Variants in ADIPOR2 observed in about 807,000 individuals in gnomAD.
ADIPOR2 encodes the protein adiponectin receptor protein 2.
A neutral mutation model predicts 40.9 loss-of-function variants in ADIPOR2; 18 were observed. The observed-to-expected ratio is 0.44, with a 90% CI of 0.30 to 0.65. The LOEUF (loss-of-function observed/expected upper bound fraction) is 0.65, where lower values mean the gene tolerates loss of function less well. Among genes scored for constraint, ADIPOR2 ranks in the 30% least tolerant of loss-of-function variants. The pLI is 0.09. For synonymous variants in ADIPOR2, 165 were observed against 166.4 expected (o/e 0.99, Z 0.06); for missense variants, 283 against 479.2 (o/e 0.59, Z 3.82).
chr12:1,753,765 C>T (rs1431389442), intron 1 of ADIPOR2, among the ~76,000 whole-genome samples: 3 of 151,866 alleles, frequency 2.0e-5, no homozygotes, highest in Admixed American at 6.6e-5. Flanking sequence ...ATATGTAAAG[C>T]CCAGTTATAA....
At chr12:1,723,485 AAATT>A (rs2094701792) in intron 1 of ADIPOR2, among the ~76,000 whole-genome samples, 1 of 110,616 alleles carries the variant, frequency 9.0e-6, no homozygotes, top group African/African-American at 2.9e-5. Flanking sequence ...AAAAAAAAAA[AAATT>A]AGCCAGGCGT....
chr12:1,744,271 A>AT (rs1302377390), intron 1 of ADIPOR2, among the ~76,000 whole-genome samples: 1 of 151,784 alleles, frequency 6.6e-6, no homozygotes, highest in East Asian at 1.9e-4. Context: ...CACCTGGCTG[A>AT]TTTTTTGTAT....
At chr12:1,739,057 T>A (rs1384865267) in intron 1 of ADIPOR2, among the ~76,000 whole-genome samples, 1 of 152,184 alleles carries the variant, frequency 6.6e-6, no homozygotes, top group East Asian at 1.9e-4. Context: ...CTTCAAAAAA[T>A]TTTATTTTAG....
At chr12:1,769,172 A>T (rs886569364) in intron 2 of ADIPOR2, among the ~76,000 whole-genome samples, 1 of 152,198 alleles carries the variant, frequency 6.6e-6, no homozygotes, top group Non-Finnish European at 1.5e-5. Flanking sequence ...AGTTATTTGG[A>T]CTTAATATTG....
intron 2 of ADIPOR2, chr12:1,758,159 G>A (rs1565651485): frequency 4.7e-6 from 2 of 424,596 alleles, no homozygotes; most frequent in Non-Finnish European, 8.3e-6. Flanking sequence ...GGTTGAAGTG[G>A]TATCTTCTGT....
intron 1 of ADIPOR2, among the ~76,000 whole-genome samples, chr12:1,710,888 C>T (rs988217152): frequency 6.6e-5 from 10 of 152,036 alleles, no homozygotes; most frequent in East Asian, 1.9e-4. Context: ...CTGGAGGAAA[C>T]AAATTTGACA....
chr12:1,700,678 A>G (rs1408430308), intron 1 of ADIPOR2, among the ~76,000 whole-genome samples: 1 of 152,190 alleles, frequency 6.6e-6, no homozygotes, highest in Admixed American at 6.5e-5. Flanking sequence ...GCACTAAACT[A>G]AAAGGAGGAA....
chr12:1,771,931 G>A (rs750235492), intron 2 of ADIPOR2, among the ~76,000 whole-genome samples: 8 of 152,206 alleles, frequency 5.3e-5, no homozygotes, highest in Non-Finnish European at 2.9e-5. Context: ...GTAGAAGACT[G>A]TAGAGATTGT....
chr12:1,752,251 T>TTTTTTTA (rs1251839721), intron 1 of ADIPOR2, among the ~76,000 whole-genome samples: 6 of 132,626 alleles, frequency 4.5e-5, no homozygotes, highest in African/African-American at 2.8e-5. Context: ...TTTTTTTTTT[T>TTTTTTTA]AAGATAATGT....
intron 1 of ADIPOR2, among the ~76,000 whole-genome samples, chr12:1,710,722 C>G (rs1171842412): frequency 6.6e-6 from 1 of 151,926 alleles, no homozygotes. Context: ...CTGCGGGGTC[C>G]CAACAAAAAG....
chr12:1,699,638 C>T (rs1363807871), intron 1 of ADIPOR2, among the ~76,000 whole-genome samples: 4 of 152,014 alleles, frequency 2.6e-5, no homozygotes, highest in African/African-American at 9.7e-5. Context: ...GCAACAAGAG[C>T]GAAACTCCGT....
intron 3 of ADIPOR2, among the ~76,000 whole-genome samples, chr12:1,775,095 C>G (rs1862562396): frequency 6.6e-6 from 1 of 152,154 alleles, no homozygotes; most frequent in East Asian, 1.9e-4. Flanking sequence ...CTCGGCCTCC[C>G]ATAGTGCTGG....
chr12:1,769,425 T>A (rs1862451036), intron 2 of ADIPOR2, among the ~76,000 whole-genome samples: 1 of 152,244 alleles, frequency 6.6e-6, no homozygotes, highest in African/African-American at 2.4e-5. Context: ...TAGTTAATTA[T>A]GGTCTAGTAT....
intron 1 of ADIPOR2, among the ~76,000 whole-genome samples, chr12:1,713,990 C>T (rs1278098219): frequency 1.3e-5 from 2 of 152,066 alleles, no homozygotes; most frequent in Non-Finnish European, 2.9e-5. Context: ...CATGAGCTGG[C>T]GCTTGCCCCG....
At chr12:1,746,222 T>C (rs2094754642) in intron 1 of ADIPOR2, among the ~76,000 whole-genome samples, 1 of 152,198 alleles carries the variant, frequency 6.6e-6, no homozygotes, top group African/African-American at 2.4e-5. Context: ...TTAAAAACTC[T>C]TATAAACACT....
chr12:1,775,095 C>CA lies in ADIPOR2; in HGVS notation c.291+2135dup, dbSNP rs562710721. 5.4e-3 allele frequency among the ~76,000 whole-genome samples: 820 copies of CA among 152,266 alleles called. 23 individuals carry two copies. Among genetic ancestry groups the CA allele is most frequent in the Non-Finnish European group, 1.6e-3 (108 of 68,022 alleles). On this transcript the variant is annotated intron_variant, in intron 3 of 7. Coordinates refer to ENST00000357103, the MANE Select transcript of ADIPOR2 (RefSeq NM_024551.3). ...TCGTGATCTGCCCGCCTCGGCCTCCCATAGTGCTGGGATTACAGGCGTGAG... is the reference window on the plus strand; with the variant it reads ...TCGTGATCTGCCCGCCTCGGCCTCCCAATAGTGCTGGGATTACAGGCGTGAG...
intron 4 of ADIPOR2, among the ~76,000 whole-genome samples, chr12:1,779,642 AT>A (rs1862673999): frequency 6.6e-6 from 1 of 152,128 alleles, no homozygotes; most frequent in African/African-American, 2.4e-5. Flanking sequence ...ACTCCATTTG[AT>A]TTGCATTTCT....
At chr12:1,691,983 G>A (rs1255066477) in intron 1 of ADIPOR2, among the ~76,000 whole-genome samples, 1 of 151,914 alleles carries the variant, frequency 6.6e-6, no homozygotes, top group African/African-American at 2.4e-5. Flanking sequence ...TGACTTCATT[G>A]CAGGTTGTTG....
chr12:1,782,976 CTTTTTTTTTTTTTTT>C (rs71055199), intron 6 of ADIPOR2, among the ~76,000 whole-genome samples: 2 of 109,752 alleles, frequency 1.8e-5, no homozygotes, highest in Admixed American at 1.9e-4. Flanking sequence ...TTCTTTCTTT[CTTTTTTTTTTTTTTT>C]TTTTTTTTTT....
Sources: allele counts gnomAD v4.1 joint callset (sites outside exome capture counted in the v4.1 genomes callset), GRCh38; gene constraint gnomAD v4.1.1; transcripts MANE v1.5; gene names NCBI Gene and HGNC (gene_info 2026-07-23, HGNC 2026-07-21).